SRSF8: variants seen among roughly 807,000 people sequenced by gnomAD.
The protein encoded by SRSF8 is serine/arginine-rich splicing factor 8.
In SRSF8, 3 loss-of-function variants were observed where a neutral mutation model predicts 2.0. That is an observed-to-expected ratio of 1.47 (90% CI 0.67 to 3.79). The LOEUF (loss-of-function observed/expected upper bound fraction) is 3.79. Ranked by LOEUF, SRSF8 falls within the 30% of genes most tolerant of loss-of-function variation. The pLI is 0.02. For missense variants in SRSF8, 408 were observed against 410.9 expected (o/e 0.99, Z 0.06); for synonymous variants, 162 against 170.7 (o/e 0.95, Z 0.40).
chr11:95,068,177 T>G lies in SRSF8; in HGVS notation c.*102T>G, dbSNP rs994513380. ...GTCCCTGGAAGAAGAGGCTGCCTATTGAAAAGGTTGTGTCACACTTTTCTA... is the reference window on the plus strand; with the variant it reads ...GTCCCTGGAAGAAGAGGCTGCCTATGGAAAAGGTTGTGTCACACTTTTCTA... On this transcript the variant is annotated 3_prime_UTR_variant, in exon 1 of 1. Transcript: ENST00000587424. 4.2e-6 allele frequency: 5 copies of G among 1,186,496 alleles called. No individual in the cohort carries two copies. The highest frequency in any genetic ancestry group is 5.9e-6 in the Non-Finnish European group (5 of 854,454). 73.5% of individuals were successfully genotyped at this position (1,186,496 alleles called of 1,614,324 possible).
At position 95,067,934 on chromosome 11, in the gene SRSF8, G is replaced by C. The variant is rs182269432; in HGVS notation, c.708G>C (p.Ser236=). Residue 236 remains serine (S), a synonymous_variant, in exon 1 of 1, where the codon TCG becomes TCC. Transcript: ENST00000587424. ...CTGCGCGACGATCCAAGTCCTCCTC[G>C]GTCTCCAGGTCTCGCTCGCGGTCCA... The part of the protein sequence containing the change: ...SSSARRSKSS[S]VSRSRSRSRS... The C allele has an allele frequency of 6.2e-7, 1 of 1,613,956 alleles. No individual in the cohort carries two copies. The highest frequency in any genetic ancestry group is 8.5e-7 in the Non-Finnish European group (1 of 1,179,910).
rs782497055 is a variant in SRSF8 at position 95,067,563 on chromosome 11, GGCTACGGACGGCGGAGCCGCA to G, written c.345_365del (p.Tyr121_Ser127del). On this transcript the variant is annotated inframe_deletion, in exon 1 of 1. Transcript: ENST00000587424. ...GCCACGCGGCAGGTCCAGAGGCGGC[GGCTACGGACGGCGGAGCCGCA>G]GCTACGGGCGGCGGAGCCGCAGCCC... The G allele has an allele frequency of 1.4e-4, 212 of 1,540,722 alleles. No individual in the cohort carries two copies. The highest frequency in any genetic ancestry group is 7.4e-4 in the East Asian group (30 of 40,782).
rs782229223 is a variant in SRSF8 at position 95,067,420 on chromosome 11, G to C, written c.194G>C (p.Arg65Pro). Reference protein sequence around the residue: ...RGFAFVRFHDRRDAQDAEAAM... With the variant: ...RGFAFVRFHDPRDAQDAEAAM... The stretch of plus-strand genomic sequence containing the variant: ...TTCGCTTTCGTCCGCTTTCACGACC[G>C]GCGCGACGCCCAAGACGCCGAGGCC... Residue 65 changes from arginine (R) to proline (P), a missense_variant, in exon 1 of 1, where the codon CGG becomes CCG. Arg to Pro is a moderately radical substitution (Grantham distance 103, BLOSUM62 -2). Transcript: ENST00000587424. 1.3e-6 allele frequency: 2 copies of C among 1,561,218 alleles called. No homozygotes were observed. The highest frequency in any genetic ancestry group is 1.2e-5 in the South Asian group (1 of 84,618).
rs1555106959 is a variant in SRSF8, at chr11:95,067,321, G to A, written c.95G>A (p.Arg32His). 4 of 1,603,710 alleles carry A rather than the reference G, an allele frequency of 2.5e-6. No individual in the cohort carries two copies. The highest frequency in any genetic ancestry group is 3.4e-6 in the Non-Finnish European group (4 of 1,176,886). The change falls in exon 1 of 1, where the codon CGC becomes CAC. Residue 32 changes from arginine to histidine, a missense_variant. By Grantham distance (29) the Arg-to-His change is conservative. Transcript: ENST00000587424. ...TYRTSPDSLRRVFEKYGRVGD... is the reference protein window; with the variant it reads ...TYRTSPDSLRHVFEKYGRVGD... Reference sequence around the variant, plus strand: ...CGCACCTCTCCCGACAGCTTGAGGCGCGTGTTCGAGAAGTACGGGCGCGTG... The same window carrying A: ...CGCACCTCTCCCGACAGCTTGAGGCACGTGTTCGAGAAGTACGGGCGCGTG...
chr11:95,068,081 TGATGCATCAG>T lies in SRSF8; in HGVS notation c.*9_*18del. On this transcript the variant is annotated 3_prime_UTR_variant, in exon 1 of 1. Transcript: ENST00000587424. The stretch of plus-strand genomic sequence containing the variant: ...AAGGACAGATGTCCTCTTAAGAAAA[TGATGCATCAG>T]GAAGCAACGTGATGGAGGACTTGGG... 6.3e-7 allele frequency: 1 copy of T among 1,599,740 alleles called. No homozygotes were observed. The highest frequency in any genetic ancestry group is 8.6e-7 in the Non-Finnish European group (1 of 1,168,796).
Position 95,068,014 on chromosome 11 carries a change from C to T in SRSF8, c.788C>T (p.Ser263Leu), listed in dbSNP as rs781949710. 1.9e-6 allele frequency: 3 copies of T among 1,613,874 alleles called. No homozygotes were observed. Among genetic ancestry groups the T allele is most frequent in the Non-Finnish European group, 2.5e-6 (3 of 1,179,828 alleles). Residue 263 changes from serine (S) to leucine (L), a missense_variant, in exon 1 of 1, where the codon TCA becomes TTA. By Grantham distance (145) the Ser-to-Leu change is moderately radical. This residue lies in a region of SRSF8 where 346 missense variants were observed against 316.5 expected (regional missense o/e 1.09). Coordinates refer to ENST00000587424, the MANE Select transcript of SRSF8 (RefSeq NM_032102.4). The stretch of plus-strand genomic sequence containing the variant: ...CGGGTATCCAAGAGGAAATCCAAGT[C>T]AAGGTCGCGATCCAAGAGGCCCCCC... ...PPRVSKRKSK[S>L]RSRSKRPPKS...
At position 95,071,004 on chromosome 11, in the gene SRSF8, T is replaced by G. The variant is rs1858729753; in HGVS notation, c.*2929T>G. On this transcript the variant is annotated 3_prime_UTR_variant, in exon 1 of 1. Transcript: ENST00000587424. ...GAGCAATGTTAAATACTTTCCTTGATAGTGGGTCAGTCATCATTTATAAGT... is the reference window on the plus strand; with the variant it reads ...GAGCAATGTTAAATACTTTCCTTGAGAGTGGGTCAGTCATCATTTATAAGT... 1 of 167,102 alleles carries G rather than the reference T, an allele frequency of 6.0e-6. No individual in the cohort carries two copies. Among genetic ancestry groups the G allele is most frequent in the Non-Finnish European group, 1.5e-5 (1 of 68,116 alleles). 10.4% of individuals were successfully genotyped at this position (167,102 alleles called of 1,614,324 possible).
In SRSF8 at chr11:95,067,186, A is replaced by G; in HGVS notation, c.-41A>G. ...AACGCAGGTCGCACCGTCAGCGCCC[A>G]GAGCAGCGCCAGTTTCCGGGCCCGG... On this transcript the variant is annotated 5_prime_UTR_variant, in exon 1 of 1. Coordinates refer to ENST00000587424, the MANE Select transcript of SRSF8 (RefSeq NM_032102.4). 1 of 1,391,584 alleles carries G rather than the reference A, an allele frequency of 7.2e-7. No homozygotes were observed. Among genetic ancestry groups the G allele is most frequent in the Non-Finnish European group, 9.4e-7 (1 of 1,064,090 alleles). The allele number at this position is 1,391,584 out of a possible 1,614,324, so 86.2% of individuals were successfully genotyped here.
In SRSF8 at chr11:95,068,919, A is replaced by G. The variant is rs2134148961; in HGVS notation, c.*844A>G. The stretch of plus-strand genomic sequence containing the variant: ...CCTTTTCCCCCGTCTTTTCTGAAAA[A>G]TTGTAAATCTGATCATATCAACATG... On this transcript the variant is annotated 3_prime_UTR_variant, in exon 1 of 1. Transcript: ENST00000587424. The G allele has an allele frequency of 6.0e-6, 1 of 167,242 alleles. No individual in the cohort carries two copies. The highest frequency in any genetic ancestry group is 2.1e-4 in the South Asian group (1 of 4,832). 10.4% of individuals were successfully genotyped at this position (167,242 alleles called of 1,614,324 possible).
rs1325807068 is a variant in SRSF8 at position 95,066,988 on chromosome 11, T to G, written c.-239T>G. ...AGGCCAGGATCTTCGGGGCCTGGCT[T>G]CATTTGGAGTTCAGCTACCAAAAGG... is the stretch of plus-strand genomic sequence containing the variant. On this transcript the variant is annotated 5_prime_UTR_variant, in exon 1 of 1. Transcript: ENST00000587424. Among the ~76,000 whole-genome samples the G allele has an allele frequency of 6.6e-6, 1 of 152,220 alleles. No homozygotes were observed. Among genetic ancestry groups the G allele is most frequent in the Non-Finnish European group, 1.5e-5 (1 of 68,030 alleles).
rs898755251 is a variant in SRSF8 at position 95,068,417 on chromosome 11, G to T, written c.*342G>T. ...TTGGTAACCTAATTTGTGGCCTCCTGACTTTTAAGGAAACGTGTGCAGCCA... is the reference window on the plus strand; with the variant it reads ...TTGGTAACCTAATTTGTGGCCTCCTTACTTTTAAGGAAACGTGTGCAGCCA... On this transcript the variant is annotated 3_prime_UTR_variant, in exon 1 of 1. Coordinates refer to ENST00000587424, the MANE Select transcript of SRSF8 (RefSeq NM_032102.4). The T allele has an allele frequency of 1.2e-5, 3 of 257,712 alleles. No homozygotes were observed. Among genetic ancestry groups the T allele is most frequent in the South Asian group, 6.2e-5 (1 of 16,132 alleles). 16.0% of individuals were successfully genotyped at this position (257,712 alleles called of 1,614,324 possible). A position where few individuals can be genotyped will look rare whatever the true frequency, so the allele number is the denominator to read the frequency against.
rs782171428 is a variant in SRSF8, at chr11:95,067,719, T to C, written c.493T>C (p.Tyr165His). Reference protein sequence around the residue: ...YSRSPYSRSPYSRSRYSRSPY... With the variant: ...YSRSPYSRSPHSRSRYSRSPY... The stretch of plus-strand genomic sequence containing the variant: ...CCGGTCTCCCTACAGCCGATCTCCT[T>C]ACAGCCGGTCGCGCTACAGCCGCTC... The change falls in exon 1 of 1, where the codon TAC (tyrosine) becomes CAC (histidine). Residue 165 changes from tyrosine to histidine, a missense_variant. By Grantham distance (83) the Tyr-to-His change is moderately conservative (BLOSUM62 2). Coordinates refer to ENST00000587424, the MANE Select transcript of SRSF8 (RefSeq NM_032102.4). 4.3e-6 allele frequency: 7 copies of C among 1,613,836 alleles called. No homozygotes were observed. Among genetic ancestry groups the C allele is most frequent in the Non-Finnish European group, 5.9e-6 (7 of 1,179,882 alleles).
rs1858656369 is a variant in SRSF8 at position 95,067,176 on chromosome 11, G to T, written c.-51G>T. 1.5e-6 allele frequency: 2 copies of T among 1,359,998 alleles called. No individual in the cohort carries two copies. Among genetic ancestry groups the T allele is most frequent in the African/African-American group, 1.5e-5 (1 of 65,888 alleles). 84.2% of individuals were successfully genotyped at this position (1,359,998 alleles called of 1,614,324 possible). On this transcript the variant is annotated 5_prime_UTR_variant, in exon 1 of 1. Coordinates refer to ENST00000587424, the MANE Select transcript of SRSF8 (RefSeq NM_032102.4). ...GCGAGAAAGAAACGCAGGTCGCACC[G>T]TCAGCGCCCAGAGCAGCGCCAGTTT...
At position 95,067,097 on chromosome 11, in the gene SRSF8, C is replaced by G; in HGVS notation, c.-130C>G. On this transcript the variant is annotated 5_prime_UTR_variant, in exon 1 of 1. Transcript: ENST00000587424. ...CTCCAGGGCGCTCCCTGCGGAGCTCCGCCGCCCGCCTCTCCGCCCGGCCTT... is the reference window on the plus strand; with the variant it reads ...CTCCAGGGCGCTCCCTGCGGAGCTCGGCCGCCCGCCTCTCCGCCCGGCCTT... 2.1e-6 allele frequency: 2 copies of G among 953,936 alleles called. No homozygotes were observed. The highest frequency in any genetic ancestry group is 2.9e-6 in the Non-Finnish European group (2 of 689,072). 59.1% of individuals were successfully genotyped at this position (953,936 alleles called of 1,614,324 possible). A position where few individuals can be genotyped will look rare whatever the true frequency, so the allele number is the denominator to read the frequency against.
rs113438888 is a variant in SRSF8, at chr11:95,070,844, C to G, written c.*2769C>G. ...AGAAGTAGGGAAATTAATGAAAAAG[C>G]AGAATTAAGGATGACTTCTCACTGG... On this transcript the variant is annotated 3_prime_UTR_variant, in exon 1 of 1. Transcript: ENST00000587424. 1 of 167,018 alleles carries G rather than the reference C, an allele frequency of 6.0e-6. No individual in the cohort carries two copies. The highest frequency in any genetic ancestry group is 2.4e-5 in the African/African-American group (1 of 41,420). The allele number at this position is 167,018 out of a possible 1,614,324, so 10.3% of individuals were successfully genotyped here.
In SRSF8 at chr11:95,070,377, A is replaced by AAAAAC; in HGVS notation, c.*2306_*2307insCAAAA. On this transcript the variant is annotated 3_prime_UTR_variant, in exon 1 of 1. Coordinates refer to ENST00000587424, the MANE Select transcript of SRSF8 (RefSeq NM_032102.4). Reference sequence around the variant, plus strand: ...GAGCAAAACTTCATCTCAAAAAAAAAAAAAAAAGAAAAAGGAAAAAAACAA... The same window carrying AAAAAC: ...GAGCAAAACTTCATCTCAAAAAAAAAAAAACAAAAAAAGAAAAAGGAAAAAAACAA... 1 of 160,212 alleles carries AAAAAC rather than the reference A, an allele frequency of 6.2e-6. No homozygotes were observed. The highest frequency in any genetic ancestry group is 1.5e-5 in the Non-Finnish European group (1 of 67,948). The allele number at this position is 160,212 out of a possible 1,614,324, so 9.9% of individuals were successfully genotyped here.
In SRSF8 at chr11:95,067,589, C is replaced by T. The variant is rs1565436741; in HGVS notation, c.363C>T (p.Tyr121=). ...GCTACGGACGGCGGAGCCGCAGCTA[C>T]GGGCGGCGGAGCCGCAGCCCCAGGC... ...GGGYGRRSRS[Y]GRRSRSPRRR... Residue 121 remains tyrosine, a synonymous_variant, in exon 1 of 1, where the codon TAC becomes TAT. Coordinates refer to ENST00000587424, the MANE Select transcript of SRSF8 (RefSeq NM_032102.4). 2.7e-6 allele frequency: 4 copies of T among 1,485,748 alleles called. No homozygotes were observed. The highest frequency in any genetic ancestry group is 2.5e-5 in the East Asian group (1 of 40,704). The allele number at this position is 1,485,748 out of a possible 1,614,324, so 92.0% of individuals were successfully genotyped here. A position where few individuals can be genotyped will look rare whatever the true frequency, so the allele number is the denominator to read the frequency against.
At position 95,067,888 on chromosome 11, in the gene SRSF8, C is replaced by T. The variant is rs139179673; in HGVS notation, c.662C>T (p.Ala221Val). Residue 221 changes from alanine (A) to valine (V), a missense_variant, in exon 1 of 1, where the codon GCA becomes GTA. Physicochemically the swap from Ala to Val is moderately conservative, Grantham distance 64 (BLOSUM62 0). Transcript: ENST00000587424. The stretch of plus-strand genomic sequence containing the variant: ...GGGTCCTCCACTAGCTCTCGCTCTG[C>T]ATCAACCTCCAAATCGAGCTCTGCG... Reference protein sequence around the residue: ...KSGSSTSSRSASTSKSSSARR... With the variant: ...KSGSSTSSRSVSTSKSSSARR... The T allele has an allele frequency of 3.1e-4, 507 of 1,614,040 alleles. 2 individuals are homozygous for T. In the African/African-American group the frequency reaches 6.1e-3, roughly 19 times the overall value.
rs1323391598 is a variant in SRSF8 at position 95,067,386 on chromosome 11, C to T, written c.160C>T (p.Pro54Ser). Residue 54 changes from proline (P) to serine (S), a missense_variant, in exon 1 of 1, where the codon CCC (proline) becomes TCC (serine). Pro to Ser is a moderately conservative substitution (Grantham distance 74). Transcript: ENST00000587424. Reference protein sequence around the residue: ...YIPREPHTKAPRGFAFVRFHD... With the variant: ...YIPREPHTKASRGFAFVRFHD... Reference sequence around the variant, plus strand: ...CCCGCGGGAGCCCCACACCAAGGCGCCCCGGGGCTTCGCTTTCGTCCGCTT... The same window carrying T: ...CCCGCGGGAGCCCCACACCAAGGCGTCCCGGGGCTTCGCTTTCGTCCGCTT... 2 of 1,591,330 alleles carry T rather than the reference C, an allele frequency of 1.3e-6. No homozygotes were observed. The highest frequency in any genetic ancestry group is 1.7e-6 in the Non-Finnish European group (2 of 1,171,694).
Sources: allele counts gnomAD v4.1 joint callset (sites outside exome capture counted in the v4.1 genomes callset), GRCh38; gene constraint gnomAD v4.1.1; regional missense constraint gnomAD v4.1.1; transcripts MANE v1.5; gene names NCBI Gene and HGNC (gene_info 2026-07-23, HGNC 2026-07-21).